The following ITFG2 variants were observed in gnomAD, a reference collection of about 807,000 sequenced individuals.
The protein encoded by ITFG2 is integrin alpha FG-GAP repeat containing 2.
ITFG2 carries 36 observed loss-of-function variants against 54.4 expected under a neutral mutation model. That is an observed-to-expected ratio of 0.66 (90% CI 0.51 to 0.87). ITFG2 has a LOEUF of 0.87. Ranked by LOEUF, ITFG2 falls within the 40% of genes least tolerant of loss-of-function variation. ITFG2 has a pLI of 0.00. For missense variants in ITFG2, 524 were observed against 576.7 expected (o/e 0.91, Z 0.94); for synonymous variants, 211 against 225.4 (o/e 0.94, Z 0.57).
At chr12:2,857,984 C>G (rs1467809182) in intron 2 of ITFG2, 2 of 152,778 alleles carry the variant, frequency 1.3e-5, no homozygotes, top group Non-Finnish European at 2.9e-5. Context: ...ATACAAAAGA[C>G]TTTTTTAACC....
intron 1 of ITFG2, 141 bp downstream of exon 1, chr12:2,812,997 T>C: frequency 1.6e-6 from 1 of 630,850 alleles, no homozygotes; most frequent in South Asian, 1.9e-5. Context: ...AGAAAAACTT[T>C]ATTGATAGCT....
intron 2 of ITFG2, among the ~76,000 whole-genome samples, chr12:2,844,802 A>G (rs1419081857): frequency 6.6e-6 from 1 of 152,120 alleles, no homozygotes; most frequent in Admixed American, 6.6e-5. Context: ...GTCACTGACT[A>G]TTGTTTGGGA....
At chr12:2,848,716 G>T (rs2098060037) in intron 2 of ITFG2, among the ~76,000 whole-genome samples, 1 of 152,166 alleles carries the variant, frequency 6.6e-6, no homozygotes, top group African/African-American at 2.4e-5. Flanking sequence ...ACATCAAATG[G>T]TCCAGGGAGG....
intron 4 of ITFG2, chr12:2,818,512 T>C: frequency 2.9e-6 from 2 of 691,806 alleles, no homozygotes; most frequent in Non-Finnish European, 4.6e-6. Flanking sequence ...AAAGAAACAA[T>C]ATAGGCTAGG....
Position 2,858,923 on chromosome 12 carries a change from G to T in ITFG2, n.620+592G>T, listed in dbSNP as rs150443540. On this transcript the variant is annotated intron_variant and non_coding_transcript_variant, in intron 3 of 3. Coordinates refer to the ITFG2 transcript ENST00000537710. ...TGAGGAGCCTTTGCGGTGATTCAAG[G>T]GGGGGAGCACTTTGCAAGGGAGTGG... 4.3e-5 allele frequency: 69 copies of T among 1,613,812 alleles called. 1 individual carries two copies. The East Asian group carries it at 5.3e-4, about 13-fold the overall frequency.
chr12:2,838,583 G>A (rs2098033919), intron 1 of ITFG2, among the ~76,000 whole-genome samples: 1 of 152,122 alleles, frequency 6.6e-6, no homozygotes, highest in African/African-American at 2.4e-5. Flanking sequence ...GTCCTTTGTT[G>A]CCTGGCCCTG....
chr12:2,814,572 G>A (rs1373426411), intron 1 of ITFG2, among the ~76,000 whole-genome samples: 3 of 152,176 alleles, frequency 2.0e-5, no homozygotes, highest in Non-Finnish European at 2.9e-5. Flanking sequence ...GCTCACGCCT[G>A]TAATCTCAGC....
chr12:2,827,148 C>G, downstream of ITFG2: 4 of 1,611,314 alleles, frequency 2.5e-6, no homozygotes, highest in Non-Finnish European at 2.5e-6. The surrounding 1 kb of genome is among the most constrained non-coding windows in gnomAD (Gnocchi z 4.0). Context: ...CCCCCGTTCC[C>G]CACACGCCTC....
At chr12:2,858,574 G>A (rs1395875524) in intron 3 of ITFG2, 44 of 1,411,756 alleles carry the variant, frequency 3.1e-5, no homozygotes, top group Non-Finnish European at 4.1e-5. Flanking sequence ...GAGGCTTGGG[G>A]TGCACTGAGC....
intron 2 of ITFG2, among the ~76,000 whole-genome samples, chr12:2,844,080 C>G (rs2098047644): frequency 6.9e-6 from 1 of 145,122 alleles, no homozygotes; most frequent in African/African-American, 2.6e-5. Flanking sequence ...CATGGCGAAA[C>G]CCCATCTCTA....
Position 2,817,254 on chromosome 12 carries a change from G to C in ITFG2, c.128G>C (p.Gly43Ala), listed in dbSNP as rs1419073382. 4 of 1,613,296 alleles carry C rather than the reference G, an allele frequency of 2.5e-6. No homozygotes were observed. The highest frequency in any genetic ancestry group is 3.4e-6 in the Non-Finnish European group (4 of 1,179,430). Residue 43 changes from glycine to alanine, a missense_variant, in exon 2 of 12, where the codon GGG (glycine) becomes GCG (alanine). Gly to Ala is a moderately conservative substitution (Grantham distance 60, BLOSUM62 0). Transcript: ENST00000228799. The stretch of plus-strand genomic sequence containing the variant: ...GAACTGGTGGTGGGAGACACCAGCG[G>C]GAAGGTGTCTGTGTATAAAAATGAT... ...LNELVVGDTSGKVSVYKNDDS... is the reference protein window; with the variant it reads ...LNELVVGDTSAKVSVYKNDDS...
Position 2,824,126 on chromosome 12 carries a change from A to T in ITFG2, c.1277A>T (p.His426Leu). The change falls in exon 12 of 12, where the codon CAC becomes CTC. Residue 426 changes from histidine to leucine, a missense_variant. Transcript: ENST00000228799. ...CTCCCTGTGACTCGTGCCCTGCTTC[A>T]CCAAACGCTCTACCATCCAGACCAG... is the stretch of plus-strand genomic sequence containing the variant. ...DDLPVTRALLHQTLYHPDQPP... is the reference protein window; with the variant it reads ...DDLPVTRALLLQTLYHPDQPP... 6.2e-7 allele frequency: 1 copy of T among 1,613,982 alleles called. No homozygotes were observed.
rs779321925 is a variant in ITFG2, at chr12:2,818,097, T to C, written c.235-9T>C. ...CAGTCCATCTCTACTATACCTCTGT[T>C]TGTCCTAGAACCTGTTGGTGGCAGT... On this transcript the variant is annotated splice_polypyrimidine_tract_variant and intron_variant, in intron 3 of 11. Coordinates refer to ENST00000228799, the MANE Select transcript of ITFG2 (RefSeq NM_018463.4). 6.8e-6 allele frequency: 11 copies of C among 1,613,466 alleles called. No homozygotes were observed. Among genetic ancestry groups the C allele is most frequent in the Middle Eastern group, 1.6e-4 (1 of 6,070 alleles).
downstream of ITFG2, chr12:2,827,438 C>T: frequency 6.6e-7 from 1 of 1,526,004 alleles, no homozygotes; most frequent in Non-Finnish European, 8.7e-7. This position sits in a 1 kb window ranked among gnomAD's most constrained non-coding sequence, Gnocchi z 4.0. Flanking sequence ...CCCTAGACTC[C>T]TGTTGAAGGG....
chr12:2,845,197 C>T lies in ITFG2; in HGVS notation n.300+4202C>T, dbSNP rs975593288. 3.3e-5 allele frequency among the ~76,000 whole-genome samples: 5 copies of T among 152,044 alleles called. No homozygotes were observed. The highest frequency in any genetic ancestry group is 2.6e-4 in the Admixed American group (4 of 15,284). ...AAGGGGCTCCCAGCAAGTGAGGCAG[C>T]GATGAGTTGGAATGAAGGCTGGAGG... On this transcript the variant is annotated intron_variant and non_coding_transcript_variant, in intron 2 of 3. Transcript: ENST00000537710. This position sits in a 1 kb window ranked among gnomAD's most constrained non-coding sequence, Gnocchi z 4.2.
chr12:2,826,431 C>G (rs143017976), downstream of ITFG2: 1 of 152,080 alleles, frequency 6.6e-6, no homozygotes, highest in Non-Finnish European at 1.5e-5. Flanking sequence ...GAGCAGTTCT[C>G]TACAAGGCTC....
intron 1 of ITFG2, 34 bp from the exon 2 acceptor site, chr12:2,817,189 C>T: frequency 7.0e-7 from 1 of 1,437,460 alleles, no homozygotes; most frequent in South Asian, 1.2e-5. Context: ...CAGCAGAGTC[C>T]CATCCTAACG....
chr12:2,827,122 T>A, downstream of ITFG2: 1 of 1,595,222 alleles, frequency 6.3e-7, no homozygotes. This position sits in a 1 kb window ranked among gnomAD's most constrained non-coding sequence, Gnocchi z 4.0. Flanking sequence ...AGTCCCCAGC[T>A]ACCTGGCTTC....
downstream of ITFG2, chr12:2,828,112 C>A: frequency 6.9e-7 from 1 of 1,445,788 alleles, no homozygotes; most frequent in Non-Finnish European, 9.6e-7. Flanking sequence ...CATTAATCAG[C>A]AGGTGTCCCT....
Sources: allele counts gnomAD v4.1 joint callset (sites outside exome capture counted in the v4.1 genomes callset), GRCh38; gene constraint gnomAD v4.1.1; non-coding constraint Gnocchi (gnomAD v3.1); transcripts MANE v1.5; gene names NCBI Gene and HGNC (gene_info 2026-07-23, HGNC 2026-07-21).